Variants in ZDHHC20 observed in about 807,000 individuals in gnomAD.
The protein encoded by ZDHHC20 is palmitoyltransferase ZDHHC20.
Under a neutral mutation model 57.8 loss-of-function variants are expected in ZDHHC20, and 43 were observed. The ratio of observed to expected loss-of-function variants is 0.74; its 90% confidence interval spans 0.58 to 0.96. The LOEUF (loss-of-function observed/expected upper bound fraction) is 0.96. Ranked by LOEUF, ZDHHC20 falls within the 40% of genes least tolerant of loss-of-function variation. ZDHHC20 has a pLI of 0.00. For synonymous variants in ZDHHC20, 157 were observed against 153.0 expected (o/e 1.03, Z -0.19); for missense variants, 391 against 441.1 (o/e 0.89, Z 1.02).
At chr13:21,443,811 A>G (rs1490960014) in intron 1 of ZDHHC20, among the ~76,000 whole-genome samples, 2 of 152,124 alleles carry the variant, frequency 1.3e-5, no homozygotes, top group Non-Finnish European at 2.9e-5. Context: ...GCCAACACTC[A>G]TTTTTCTAGA....
At chr13:21,405,009 A>T (rs1297220783) in intron 4 of ZDHHC20, among the ~76,000 whole-genome samples, 1 of 152,206 alleles carries the variant, frequency 6.6e-6, no homozygotes, top group African/African-American at 2.4e-5. Flanking sequence ...ACTTGTATAT[A>T]GTTCTACAAT....
intron 4 of ZDHHC20, among the ~76,000 whole-genome samples, chr13:21,408,587 T>C (rs1317265139): frequency 6.6e-6 from 1 of 152,214 alleles, no homozygotes; most frequent in African/African-American, 2.4e-5. Flanking sequence ...TCTCTTCCTA[T>C]TTGAATACCC....
In ZDHHC20 at chr13:21,375,756, A is replaced by C. The variant is rs565459696; in HGVS notation, c.*940T>G. The C allele has an allele frequency of 7.5e-4, 115 of 152,460 alleles. No individual in the cohort carries two copies. Among genetic ancestry groups the C allele is most frequent in the African/African-American group, 2.6e-3 (108 of 41,598 alleles). The allele number at this position is 152,460 out of a possible 1,614,324, so 9.4% of individuals were successfully genotyped here. A position where few individuals can be genotyped will look rare whatever the true frequency, so the allele number is the denominator to read the frequency against. ...TACACTGAAATTTGAAAGTGAAGTC[A>C]ACAGCATGCTTTATTCTAACTGCTG... On this transcript the variant is annotated 3_prime_UTR_variant, in exon 13 of 13. Coordinates refer to ENST00000400590, the MANE Select transcript of ZDHHC20 (RefSeq NM_001330059.2).
rs1877451808 is a variant in ZDHHC20 at position 21,400,407 on chromosome 13, G to A, written c.560C>T (p.Ala187Val). Residue 187 changes from alanine (A) to valine (V), a missense_variant, in exon 7 of 13, where the codon GCA becomes GTA. Coordinates refer to ENST00000400590, the MANE Select transcript of ZDHHC20 (RefSeq NM_001330059.2). ...TTTTATAAAGTACTCTAAAACTGTT[G>A]CAGCCACGAAAAGGCAATATAATAG... The part of the protein sequence containing the change: ...YSLLYCLFVA[A>V]TVLEYFIKFW... The A allele has an allele frequency of 3.7e-6, 6 of 1,602,066 alleles. No individual in the cohort carries two copies. The highest frequency in any genetic ancestry group is 5.1e-6 in the Non-Finnish European group (6 of 1,176,576).
At chr13:21,431,913 T>C (rs779608393) in intron 1 of ZDHHC20, among the ~76,000 whole-genome samples, 4 of 152,188 alleles carry the variant, frequency 2.6e-5, no homozygotes, top group African/African-American at 4.8e-5. Flanking sequence ...TTTATATTTT[T>C]AACAGTGTCT....
At chr13:21,434,250 C>T (rs1882315067) in intron 1 of ZDHHC20, among the ~76,000 whole-genome samples, 1 of 152,134 alleles carries the variant, frequency 6.6e-6, no homozygotes, top group South Asian at 2.1e-4. Flanking sequence ...CTCCTTTTTC[C>T]ATTGAGAATT....
intron 7 of ZDHHC20, among the ~76,000 whole-genome samples, chr13:21,393,343 A>T (rs1424869104): frequency 1.3e-5 from 2 of 152,048 alleles, no homozygotes; most frequent in South Asian, 4.1e-4. Flanking sequence ...TCTACTAAAA[A>T]TGCAAAAATT....
intron 1 of ZDHHC20, among the ~76,000 whole-genome samples, chr13:21,446,967 T>A (rs1048586984): frequency 2.6e-5 from 4 of 152,114 alleles, no homozygotes; most frequent in Admixed American, 2.0e-4. Context: ...CTTTTAGATA[T>A]CTTGCTGAGC....
intron 4 of ZDHHC20, among the ~76,000 whole-genome samples, chr13:21,407,636 G>T (rs1022229641): frequency 1.3e-5 from 2 of 152,114 alleles, no homozygotes; most frequent in African/African-American, 4.8e-5. Flanking sequence ...GATGCCAATT[G>T]TCAATTTTGG....
intron 4 of ZDHHC20, among the ~76,000 whole-genome samples, chr13:21,408,338 C>G (rs1878741355): frequency 6.6e-6 from 1 of 152,164 alleles, no homozygotes; most frequent in Admixed American, 6.5e-5. Context: ...TCCTTCACAT[C>G]CCTTGTAAGC....
chr13:21,417,073 T>G (rs536702467), intron 3 of ZDHHC20, among the ~76,000 whole-genome samples: 5 of 152,284 alleles, frequency 3.3e-5, no homozygotes, highest in African/African-American at 1.2e-4. Flanking sequence ...TTCTAAGTAC[T>G]GGGGATACAG....
chr13:21,426,555 T>C (rs1367003464), intron 1 of ZDHHC20, among the ~76,000 whole-genome samples: 2 of 152,236 alleles, frequency 1.3e-5, no homozygotes, highest in Non-Finnish European at 2.9e-5. Flanking sequence ...ACAAGCCCTC[T>C]GTAATCTACA....
chr13:21,448,604 G>GC (rs1388618834), intron 1 of ZDHHC20, among the ~76,000 whole-genome samples: 3 of 89,880 alleles, frequency 3.3e-5, no homozygotes, highest in South Asian at 3.2e-4. Flanking sequence ...GGGGGGGTCA[G>GC]CCCCCTGCCC....
At chr13:21,443,445 C>T (rs1481545806) in intron 1 of ZDHHC20, among the ~76,000 whole-genome samples, 3 of 152,196 alleles carry the variant, frequency 2.0e-5, no homozygotes, top group Admixed American at 1.3e-4. Flanking sequence ...CCAGAGTTCA[C>T]CTAGCTATTC....
At chr13:21,412,919 G>C (rs1241215759) in intron 4 of ZDHHC20, among the ~76,000 whole-genome samples, 3 of 128,868 alleles carry the variant, frequency 2.3e-5, no homozygotes, top group Admixed American at 9.6e-5. Context: ...AGTGAGCTGA[G>C]ACTGCACCAT....
intron 3 of ZDHHC20, among the ~76,000 whole-genome samples, chr13:21,419,730 T>C (rs907147488): frequency 6.6e-6 from 1 of 152,218 alleles, no homozygotes; most frequent in African/African-American, 2.4e-5. Context: ...AGTGGATGAC[T>C]GAAAGGAAGC....
rs746616285 is a variant in ZDHHC20 at position 21,459,158 on chromosome 13, G to C, written c.14C>G (p.Thr5Arg). The part of the protein sequence containing the change: MAPW[T>R]LWRCCQRVVG... Reference sequence around the variant, plus strand: ...GACGCGCTGGCAGCAGCGCCACAGCGTCCAGGGCGCCATGTTCCGCTGGCG... The same window carrying C: ...GACGCGCTGGCAGCAGCGCCACAGCCTCCAGGGCGCCATGTTCCGCTGGCG... Residue 5 changes from threonine (T) to arginine (R), a missense_variant, in exon 1 of 13, where the codon ACG becomes AGG. Around this residue, in one of 3 missense-constraint regions of ZDHHC20, gnomAD observed 185 missense variants for 188.0 expected, o/e 0.98. Coordinates refer to ENST00000400590, the MANE Select transcript of ZDHHC20 (RefSeq NM_001330059.2). 1.7e-5 allele frequency: 27 copies of C among 1,600,776 alleles called. No individual in the cohort carries two copies. The highest frequency in any genetic ancestry group is 6.8e-5 in the African/African-American group (5 of 73,252).
In ZDHHC20 at chr13:21,414,527, A is replaced by ATTT. The variant is rs747307477; in HGVS notation, c.250-758_250-756dup. On this transcript the variant is annotated intron_variant, in intron 3 of 12. Coordinates refer to ENST00000400590, the MANE Select transcript of ZDHHC20 (RefSeq NM_001330059.2). ...AGGCGCACGCCACTATGCCCGGATA[A>ATTT]TTTTTTTTTTTTTTTTTGTATTTTT... Among the ~76,000 whole-genome samples, 92 of 107,512 alleles carry ATTT rather than the reference A, an allele frequency of 8.6e-4. 3 individuals carry two copies. Among genetic ancestry groups the ATTT allele is most frequent in the South Asian group, 5.1e-3 (16 of 3,168 alleles). The allele number at this position is 107,512 out of a possible 152,430, so 70.5% of individuals were successfully genotyped here. A position where few individuals can be genotyped will look rare whatever the true frequency, so the allele number is the denominator to read the frequency against.
chr13:21,437,975 G>T (rs559303356), intron 1 of ZDHHC20, among the ~76,000 whole-genome samples: 2 of 152,372 alleles, frequency 1.3e-5, no homozygotes, highest in African/African-American at 4.8e-5. Flanking sequence ...ACAGGCGTGA[G>T]CCACCGCACC....
Sources: allele counts gnomAD v4.1 joint callset (sites outside exome capture counted in the v4.1 genomes callset), GRCh38; gene constraint gnomAD v4.1.1; regional missense constraint gnomAD v4.1.1; transcripts MANE v1.5; gene names NCBI Gene and HGNC (gene_info 2026-07-23, HGNC 2026-07-21).